The following CERS3 variants were observed in gnomAD, a reference collection of about 807,000 sequenced individuals.
The protein encoded by CERS3 is LAG1 homolog, ceramide synthase 3.
A neutral mutation model predicts 50.3 loss-of-function variants in CERS3; 33 were observed. The ratio of observed to expected loss-of-function variants is 0.66; its 90% CI spans 0.50 to 0.88. The LOEUF (loss-of-function observed/expected upper bound fraction) is 0.88, where lower values mean the gene tolerates loss of function less well. CERS3 is among the 40% of genes least tolerant of loss of function. CERS3 has a pLI of 0.00. For missense variants in CERS3, 470 were observed against 460.3 expected, an observed-to-expected ratio of 1.02 and a Z score of -0.19; for synonymous variants, 176 against 155.2, an observed-to-expected ratio of 1.13 and a Z score of -0.99.
chr15:100,520,759 A>G (rs1238954686), intron 2 of CERS3, among the ~76,000 whole-genome samples: 1 of 151,944 alleles, frequency 6.6e-6, no homozygotes, highest in Non-Finnish European at 1.5e-5. Flanking sequence ...TGAGCCCTCC[A>G]CTGTCCCACT....
chr15:100,430,961 T>G (rs80278866), intron 11 of CERS3, among the ~76,000 whole-genome samples: 1 of 152,176 alleles, frequency 6.6e-6, no homozygotes, highest in Non-Finnish European at 1.5e-5. Flanking sequence ...CTTCCCAAAC[T>G]GTAACATGCT....
intron 11 of CERS3, among the ~76,000 whole-genome samples, chr15:100,451,770 A>G (rs1035928600): frequency 6.6e-5 from 10 of 152,132 alleles, no homozygotes; most frequent in African/African-American, 2.4e-4. Flanking sequence ...GACTAAAAGT[A>G]AAGGAATGTA....
chr15:100,416,139 A>G (rs1337967621), intron 11 of CERS3, among the ~76,000 whole-genome samples: 1 of 152,208 alleles, frequency 6.6e-6, no homozygotes, highest in Non-Finnish European at 1.5e-5. Flanking sequence ...AAAATTATAA[A>G]ATTCATACAG....
chr15:100,464,721 T>G (rs535589039), intron 10 of CERS3, among the ~76,000 whole-genome samples: 1 of 152,150 alleles, frequency 6.6e-6, no homozygotes, highest in Non-Finnish European at 1.5e-5. Context: ...AGAACAATAG[T>G]TGGGAATACA....
At chr15:100,521,194 A>G (rs2036629220) in intron 2 of CERS3, among the ~76,000 whole-genome samples, 1 of 152,206 alleles carries the variant, frequency 6.6e-6, no homozygotes, top group African/African-American at 2.4e-5. Flanking sequence ...ATTTGCGAAC[A>G]TGCTTCATGA....
intron 11 of CERS3, among the ~76,000 whole-genome samples, chr15:100,416,127 G>T (rs897178530): frequency 9.2e-4 from 90 of 98,234 alleles, no homozygotes; most frequent in Middle Eastern, 5.4e-3. Flanking sequence ...CACAGAATTA[G>T]AAAAATTATA....
chr15:100,540,349 C>T (rs551743245), intron 1 of CERS3, among the ~76,000 whole-genome samples: 2 of 152,296 alleles, frequency 1.3e-5, no homozygotes, highest in East Asian at 3.9e-4. Context: ...TCGAGACCAG[C>T]CTGGCCAACA....
At chr15:100,432,763 G>C (rs111751181) in intron 11 of CERS3, among the ~76,000 whole-genome samples, 32 of 152,232 alleles carry the variant, frequency 2.1e-4, no homozygotes, top group Middle Eastern at 6.8e-3. Context: ...ACAGAGTCAC[G>C]TACGTTCGAA....
intron 11 of CERS3, among the ~76,000 whole-genome samples, chr15:100,429,221 C>T (rs996574158): frequency 2.0e-5 from 3 of 152,086 alleles, no homozygotes; most frequent in African/African-American, 4.8e-5. Flanking sequence ...GCTTCTGCAC[C>T]GGGGGAGCTG....
At chr15:100,424,287 G>A (rs1014730030) in intron 11 of CERS3, among the ~76,000 whole-genome samples, 2 of 152,156 alleles carry the variant, frequency 1.3e-5, no homozygotes, top group Non-Finnish European at 2.9e-5. Flanking sequence ...ACAGAAACTT[G>A]GTACCAGCAG....
intron 10 of CERS3, among the ~76,000 whole-genome samples, chr15:100,456,600 G>A (rs143420702): frequency 0.018 from 2,737 of 152,204 alleles, 49 homozygotes; most frequent in Middle Eastern, 0.031. Context: ...CAGGCTCCTG[G>A]ACACAATTTG....
intron 3 of CERS3, among the ~76,000 whole-genome samples, chr15:100,496,398 C>T (rs1275839127): frequency 6.6e-6 from 1 of 152,032 alleles, no homozygotes; most frequent in African/African-American, 2.4e-5. Context: ...ATCTTAAAAG[C>T]ATTAAGCTTA....
In CERS3 at chr15:100,478,119, T is replaced by C. The variant is rs141244028; in HGVS notation, c.516+1309A>G. ...GATGAGACTAATCAGACTTTGACTT[T>C]AAAATAACTTCAAAAACAGCTTAAA... is the stretch of plus-strand genomic sequence containing the variant. On this transcript the variant is annotated intron_variant, in intron 7 of 11. Coordinates refer to ENST00000679737, the MANE Select transcript of CERS3 (RefSeq NM_001378789.1). 2.0e-5 allele frequency among the ~76,000 whole-genome samples: 3 copies of C among 152,268 alleles called. No individual in the cohort carries two copies. In the East Asian group the frequency reaches 5.8e-4, roughly 29 times the overall value.
chr15:100,486,006 G>A (rs555263879), intron 4 of CERS3, among the ~76,000 whole-genome samples: 9 of 152,222 alleles, frequency 5.9e-5, no homozygotes, highest in Non-Finnish European at 1.3e-4. Flanking sequence ...ACAGCAGGCA[G>A]AGAAGCACAC....
intron 11 of CERS3, among the ~76,000 whole-genome samples, chr15:100,436,442 G>A (rs958375457): frequency 1.3e-5 from 2 of 152,104 alleles, no homozygotes; most frequent in South Asian, 4.1e-4. Context: ...TGGACACAGG[G>A]AGGGGAACAT....
intron 1 of CERS3, among the ~76,000 whole-genome samples, chr15:100,524,736 G>A (rs963314972): frequency 5.3e-5 from 8 of 152,182 alleles, no homozygotes; most frequent in Non-Finnish European, 8.8e-5. Context: ...ATTAAATGAT[G>A]TCAAGTAATC....
intron 11 of CERS3, among the ~76,000 whole-genome samples, chr15:100,446,448 G>T (rs1383154349): frequency 6.6e-6 from 1 of 151,108 alleles, no homozygotes; most frequent in African/African-American, 2.4e-5. Context: ...CTAAGAGATG[G>T]TAGAAAACTC....
intron 11 of CERS3, among the ~76,000 whole-genome samples, chr15:100,454,621 A>C (rs527691546): frequency 1.3e-5 from 2 of 152,310 alleles, no homozygotes; most frequent in East Asian, 3.9e-4. Context: ...ACATAAGGGA[A>C]GTACTTCAGG....
intron 11 of CERS3, among the ~76,000 whole-genome samples, chr15:100,411,102 C>T (rs1352351762): frequency 6.6e-6 from 1 of 152,184 alleles, no homozygotes; most frequent in African/African-American, 2.4e-5. Context: ...TTTCACTTTG[C>T]ATAATGTCCT....
Sources: gnomAD v4.1 joint callset for allele counts (sites outside exome capture counted in the v4.1 genomes callset) on GRCh38, gnomAD v4.1.1 for gene constraint, MANE v1.5 for transcripts, NCBI Gene and HGNC (gene_info 2026-07-23, HGNC 2026-07-21) for gene names.